Variants in ANKRD17 observed in about 807,000 individuals in gnomAD.
ANKRD17 encodes ankyrin repeat domain 17.
ANKRD17 carries 19 observed loss-of-function variants against 229.7 expected under a neutral mutation model. That is an observed-to-expected ratio of 0.08 (90% confidence interval 0.06 to 0.12). The LOEUF (loss-of-function observed/expected upper bound fraction) is 0.12, where lower values mean the gene tolerates loss of function less well. ANKRD17 is among the 10% of genes least tolerant of loss of function. The pLI, the probability that ANKRD17 is intolerant of heterozygous loss-of-function variation, is 1.00. For missense variants in ANKRD17, 2,176 were observed against 3,176.8 expected (o/e 0.68, Z 7.57); for synonymous variants, 1,112 against 1,146.1 (o/e 0.97, Z 0.60).
At chr4:73,195,997 C>G (rs925052536) in intron 1 of ANKRD17, among the ~76,000 whole-genome samples, 1 of 149,362 alleles carries the variant, frequency 6.7e-6, no homozygotes, top group Non-Finnish European at 1.5e-5. Context: ...TTCGAAGAAC[C>G]ATGTTTCTTT....
intron 24 of ANKRD17, among the ~76,000 whole-genome samples, chr4:73,106,196 A>G (rs1043527406): frequency 6.6e-6 from 1 of 152,086 alleles, no homozygotes; most frequent in African/African-American, 2.4e-5. Context: ...GTGAGCCGAG[A>G]TCGCGCCACT....
chr4:73,173,816 G>T lies in ANKRD17; in HGVS notation c.547+3564C>A, dbSNP rs541375040. Among the ~76,000 whole-genome samples the T allele has an allele frequency of 3.3e-5, 5 of 152,224 alleles. No individual in the cohort carries two copies. In the South Asian group the frequency reaches 8.3e-4, roughly 25 times the overall value. ...GCCTTGTAAGCACACCCAGTCTCCA[G>T]CTCGAGCCCAGGGAAGCCATCCCTG... On this transcript the variant is annotated intron_variant, in intron 2 of 33. Transcript: ENST00000358602.
In ANKRD17 at chr4:73,177,453, A is replaced by G. The variant is rs1326867010; in HGVS notation, c.474T>C (p.Thr158=). 6.2e-7 allele frequency: 1 copy of G among 1,613,850 alleles called. No individual in the cohort carries two copies. The highest frequency in any genetic ancestry group is 8.5e-7 in the Non-Finnish European group (1 of 1,179,782). Residue 158 remains threonine (T), a synonymous_variant, in exon 2 of 34, where the codon ACT becomes ACC. Transcript: ENST00000358602. The part of the protein sequence containing the change: ...ETASKLLLSG[T]ADGADLRTVD... ...CTGTCCTGAGGTCTGCACCATCAGCAGTACCTGATAAGAGCAACTTGGAAG... is the reference window on the plus strand; with the variant it reads ...CTGTCCTGAGGTCTGCACCATCAGCGGTACCTGATAAGAGCAACTTGGAAG...
Position 73,091,465 on chromosome 4 carries a change from C to A in ANKRD17, c.6163G>T (p.Val2055Phe). The change falls in exon 29 of 34, where the codon GTT becomes TTT. Residue 2055 changes from valine to phenylalanine, a missense_variant. Transcript: ENST00000358602. The part of the protein sequence containing the change: ...SPSPPAQPGG[V>F]SRNSPLDCGS... ...CAATCCAAAGGGCTGTTTCTAGAAA[C>A]CCCTCCTGGCTGGGCTGGTGGTGAT... 1.2e-6 allele frequency: 2 copies of A among 1,614,144 alleles called. No homozygotes were observed. Among genetic ancestry groups the A allele is most frequent in the Non-Finnish European group, 1.7e-6 (2 of 1,180,024 alleles).
At chr4:73,160,380 G>A (rs1302162246) in intron 3 of ANKRD17, among the ~76,000 whole-genome samples, 9 of 151,954 alleles carry the variant, frequency 5.9e-5, no homozygotes, top group African/African-American at 9.7e-5. Context: ...CACCACACCC[G>A]GCTAATTTTT....
chr4:73,202,318 T>TAAAAAAAAAAA (rs10533861), intron 1 of ANKRD17, among the ~76,000 whole-genome samples: 1 of 21,938 alleles, frequency 4.6e-5, no homozygotes, highest in Non-Finnish European at 7.6e-5. Context: ...GGAACAGGAT[T>TAAAAAAAAAAA]AAAAAAAAAA....
intron 1 of ANKRD17, among the ~76,000 whole-genome samples, chr4:73,212,188 A>G (rs1740368991): frequency 6.6e-6 from 1 of 152,154 alleles, no homozygotes; most frequent in Admixed American, 6.6e-5. Context: ...ACTCAAAATG[A>G]AAAACCAGCA....
At position 73,091,028 on chromosome 4, in the gene ANKRD17, A is replaced by C; in HGVS notation, c.6600T>G (p.Val2200=). ...KNSASVQNSS[V]AVLSVNHIKR... ...TAATGTGATTGACACTGAGGACTGC[A>C]ACAGATGAATTTTGCACTGAAGCTG... The change falls in exon 29 of 34, where the codon GTT becomes GTG. Residue 2200 remains valine (V), a synonymous_variant. Coordinates refer to ENST00000358602, the MANE Select transcript of ANKRD17 (RefSeq NM_032217.5). 6.2e-7 allele frequency: 1 copy of C among 1,614,232 alleles called. No homozygotes were observed. Among genetic ancestry groups the C allele is most frequent in the Non-Finnish European group, 8.5e-7 (1 of 1,180,038 alleles).
chr4:73,190,533 A>C (rs1452985779), intron 1 of ANKRD17, among the ~76,000 whole-genome samples: 2 of 151,390 alleles, frequency 1.3e-5, no homozygotes, highest in African/African-American at 2.4e-5. Flanking sequence ...CAGAAAAACA[A>C]AACAAATGTC....
chr4:73,230,905 GTA>G (rs1257117826), intron 1 of ANKRD17, among the ~76,000 whole-genome samples: 1 of 152,054 alleles, frequency 6.6e-6, no homozygotes, highest in Non-Finnish European at 1.5e-5. Context: ...TAGGTTCTAT[GTA>G]CACAAAACTG....
chr4:73,144,899 A>T, intron 10 of ANKRD17, 67 bp from the exon 11 acceptor site: 1 of 1,135,750 alleles, frequency 8.8e-7, no homozygotes, highest in Non-Finnish European at 1.3e-6. Context: ...TTTTCATGGA[A>T]ATCAAAAGGA....
chr4:73,118,959 T>C, intron 21 of ANKRD17, 109 bp from the exon 22 acceptor site: 1 of 1,161,546 alleles, frequency 8.6e-7, no homozygotes, highest in Non-Finnish European at 1.2e-6. Flanking sequence ...AGATCATGGC[T>C]CACTGCAGCC....
chr4:73,186,264 A>G (rs888465793), intron 1 of ANKRD17, among the ~76,000 whole-genome samples: 48 of 152,056 alleles, frequency 3.2e-4, no homozygotes, highest in Non-Finnish European at 1.2e-4. Flanking sequence ...ATACATACAA[A>G]GACAAAATCT....
Position 73,085,443 on chromosome 4 carries a change from A to G in ANKRD17, c.6965T>C (p.Ile2322Thr). The G allele has an allele frequency of 6.2e-7, 1 of 1,611,730 alleles. No homozygotes were observed. The change falls in exon 30 of 34, where the codon ATT becomes ACT. Residue 2322 changes from isoleucine to threonine, a missense_variant. This residue lies in a region of ANKRD17 where 424 missense variants were observed against 454.0 expected (regional missense o/e 0.93). Coordinates refer to ENST00000358602, the MANE Select transcript of ANKRD17 (RefSeq NM_032217.5). ...LQRPAPSPSG[I>T]VNMDSPYGSV... Reference sequence around the variant, plus strand: ...ACCATATGGCGAGTCCATATTGACAATACCTATAATGTAGAAGGTCATCAT... The same window carrying G: ...ACCATATGGCGAGTCCATATTGACAGTACCTATAATGTAGAAGGTCATCAT...
chr4:73,110,856 G>T (rs1193155565), intron 24 of ANKRD17, among the ~76,000 whole-genome samples: 3 of 152,168 alleles, frequency 2.0e-5, no homozygotes, highest in Non-Finnish European at 4.4e-5. Flanking sequence ...TAATGATTAA[G>T]AATTCTTCAT....
chr4:73,213,906 G>C (rs1288955452), intron 1 of ANKRD17, among the ~76,000 whole-genome samples: 2 of 151,896 alleles, frequency 1.3e-5, no homozygotes, highest in African/African-American at 4.8e-5. Flanking sequence ...GTGAAAGAAG[G>C]GAAGGATAGG....
intron 6 of ANKRD17, among the ~76,000 whole-genome samples, chr4:73,153,527 T>C (rs960903575): frequency 6.6e-6 from 1 of 152,188 alleles, no homozygotes; most frequent in African/African-American, 2.4e-5. Flanking sequence ...TTTTCTGTAC[T>C]ATCAATATTT....
chr4:73,132,274 A>G (rs759335540), intron 16 of ANKRD17, among the ~76,000 whole-genome samples: 9 of 151,996 alleles, frequency 5.9e-5, no homozygotes, highest in Non-Finnish European at 1.3e-4. Context: ...ATGCCCGGCT[A>G]ATTTTTGTAT....
At chr4:73,203,957 G>A (rs1373818608) in intron 1 of ANKRD17, among the ~76,000 whole-genome samples, 2 of 151,906 alleles carry the variant, frequency 1.3e-5, no homozygotes, top group East Asian at 1.9e-4. Context: ...CCATGGGGGG[G>A]AAAAAACCAT....
Sources: gnomAD v4.1 joint callset for allele counts (sites outside exome capture counted in the v4.1 genomes callset) on GRCh38, gnomAD v4.1.1 for gene constraint, gnomAD v4.1.1 regional missense constraint, MANE v1.5 for transcripts, NCBI Gene and HGNC (gene_info 2026-07-23, HGNC 2026-07-21) for gene names.